IMMP2L: variants seen among roughly 807,000 people sequenced by gnomAD.
IMMP2L encodes inner mitochondrial membrane peptidase subunit 2, also known as mitochondrial inner membrane protease subunit 2.
IMMP2L carries 18 observed loss-of-function variants against 19.3 expected under a neutral mutation model. The observed-to-expected ratio is 0.93, with a 90% CI of 0.64 to 1.38. IMMP2L has a LOEUF of 1.38. IMMP2L is among the 40% of genes most tolerant of loss of function. The probability of loss-of-function intolerance (pLI) is 0.00; values close to 1 mark genes in which losing one functional copy is unlikely to be tolerated. For missense variants in IMMP2L, 233 were observed against 218.2 expected (o/e 1.07, Z -0.43); for synonymous variants, 76 against 73.0 (o/e 1.04, Z -0.21).
intron 3 of IMMP2L, among the ~76,000 whole-genome samples, chr7:111,172,990 G>A (rs1316239536): frequency 6.6e-6 from 1 of 151,552 alleles, no homozygotes; most frequent in Non-Finnish European, 1.5e-5. Flanking sequence ...GTAACCTGCT[G>A]AGGGACTGCT....
intron 3 of IMMP2L, among the ~76,000 whole-genome samples, chr7:111,250,677 G>T (rs1816001213): frequency 6.6e-6 from 1 of 152,114 alleles, no homozygotes; most frequent in South Asian, 2.1e-4. Flanking sequence ...TTAATAAATG[G>T]TGCTGGGAAA....
At chr7:111,322,378 C>T (rs1367400450) in intron 3 of IMMP2L, among the ~76,000 whole-genome samples, 2 of 151,722 alleles carry the variant, frequency 1.3e-5, no homozygotes, top group African/African-American at 4.8e-5. Flanking sequence ...CATTCTGAAA[C>T]TGAATTTAAC....
chr7:111,375,187 C>T (rs902932445), intron 3 of IMMP2L, among the ~76,000 whole-genome samples: 11 of 152,094 alleles, frequency 7.2e-5, no homozygotes, highest in Admixed American at 2.0e-4. Context: ...TTAAAAGGAA[C>T]AGGCTTGTTG....
At chr7:111,529,580 A>G (rs184932310) in intron 1 of IMMP2L, among the ~76,000 whole-genome samples, 3 of 152,314 alleles carry the variant, frequency 2.0e-5, no homozygotes, top group Admixed American at 6.5e-5. Flanking sequence ...ACACAAAAAA[A>G]GAAATAAGAA....
intron 3 of IMMP2L, among the ~76,000 whole-genome samples, chr7:111,052,157 C>G (rs1407456509): frequency 6.6e-6 from 1 of 152,202 alleles, no homozygotes; most frequent in Non-Finnish European, 1.5e-5. Flanking sequence ...AAATATATTT[C>G]TTTGACGTAT....
chr7:111,201,334 G>C (rs866641579), intron 3 of IMMP2L, among the ~76,000 whole-genome samples: 6 of 150,448 alleles, frequency 4.0e-5, no homozygotes, highest in African/African-American at 1.5e-4. Context: ...ACAGTTTTTT[G>C]AGAATTATAA....
chr7:111,370,869 C>T (rs890757271), intron 3 of IMMP2L, among the ~76,000 whole-genome samples: 2 of 151,848 alleles, frequency 1.3e-5, no homozygotes, highest in African/African-American at 4.8e-5. Context: ...AAAATATTAA[C>T]ACAAAAACCT....
Position 111,213,901 on chromosome 7 carries a change from C to A in IMMP2L, c.240-250336G>T, listed in dbSNP as rs1438774730. Among the ~76,000 whole-genome samples the A allele has an allele frequency of 6.6e-6, 1 of 152,032 alleles. No individual in the cohort carries two copies. Among genetic ancestry groups the A allele is most frequent in the Non-Finnish European group, 1.5e-5 (1 of 68,004 alleles). ...TTCATGTGACAGTCCTACAAATGTA[C>A]CCCCTGTATCTAAGATAAAAGGTGA... On this transcript the variant is annotated intron_variant, in intron 3 of 5. Coordinates refer to ENST00000405709, the MANE Select transcript of IMMP2L (RefSeq NM_032549.4). This position sits in a 1 kb window ranked among gnomAD's most constrained non-coding sequence, Gnocchi z 4.8.
At chr7:111,442,575 A>T (rs1837852869) in intron 3 of IMMP2L, among the ~76,000 whole-genome samples, 1 of 151,666 alleles carries the variant, frequency 6.6e-6, no homozygotes, top group Non-Finnish European at 1.5e-5. Context: ...TACATCTCAA[A>T]CCTTCAGAAA....
chr7:111,299,751 T>G (rs1322856355), intron 3 of IMMP2L, among the ~76,000 whole-genome samples: 2 of 152,028 alleles, frequency 1.3e-5, no homozygotes, highest in Non-Finnish European at 2.9e-5. Flanking sequence ...TTTTTTTTAA[T>G]AGGAAGGATT....
chr7:110,903,170 G>C (rs1448434655), intron 4 of IMMP2L, among the ~76,000 whole-genome samples: 1 of 152,072 alleles, frequency 6.6e-6, no homozygotes, highest in African/African-American at 2.4e-5. Flanking sequence ...ACACACACCA[G>C]GCTAACACTG....
rs111255509 is a variant in IMMP2L at position 110,758,119 on chromosome 7, T to C, written c.409-94398A>G. On this transcript the variant is annotated intron_variant, in intron 5 of 5. Coordinates refer to ENST00000405709, the MANE Select transcript of IMMP2L (RefSeq NM_032549.4). The surrounding 1 kb of genome is among the most constrained non-coding windows in gnomAD (Gnocchi z 4.6). The stretch of plus-strand genomic sequence containing the variant: ...AAGGAGGAAGGAAGGATGGAGCTAG[T>C]ATGTTAATGTAGCTGAAGGTCAAAT... Among the ~76,000 whole-genome samples the C allele has an allele frequency of 0.022, 3,392 of 152,148 alleles. 60 individuals carry two copies. Among genetic ancestry groups the C allele is most frequent in the Middle Eastern group, 0.044 (13 of 294 alleles).
At position 111,544,358 on chromosome 7, in the gene IMMP2L, C is replaced by T. The variant is rs758366979; in HGVS notation, c.-3+17493G>A. Among the ~76,000 whole-genome samples, 118 of 152,088 alleles carry T rather than the reference C, an allele frequency of 7.8e-4. 2 individuals are homozygous for T. Among genetic ancestry groups the T allele is most frequent in the Middle Eastern group, 6.8e-3 (2 of 294 alleles). On this transcript the variant is annotated intron_variant, in intron 1 of 5. Coordinates refer to ENST00000405709, the MANE Select transcript of IMMP2L (RefSeq NM_032549.4). ...CATGTATACACATGTAACAAACCTG[C>T]ACATTGTGTACATGTACCCTAGAAC... is the stretch of plus-strand genomic sequence containing the variant.
chr7:111,385,635 T>C (rs952273199), intron 3 of IMMP2L, among the ~76,000 whole-genome samples: 2 of 152,136 alleles, frequency 1.3e-5, no homozygotes, highest in East Asian at 1.9e-4. Flanking sequence ...GAGTGGTTCA[T>C]TGTGGTTTCT....
chr7:111,356,109 T>C (rs889339238), intron 3 of IMMP2L, among the ~76,000 whole-genome samples: 1 of 151,968 alleles, frequency 6.6e-6, no homozygotes, highest in African/African-American at 2.4e-5. Context: ...CATATATATA[T>C]ACACAGAAAA....
rs1473388354 is a variant in IMMP2L at position 111,213,682 on chromosome 7, C to T, written c.240-250117G>A. Among the ~76,000 whole-genome samples, 1 of 152,166 alleles carries T rather than the reference C, an allele frequency of 6.6e-6. No individual in the cohort carries two copies. Among genetic ancestry groups the T allele is most frequent in the African/African-American group, 2.4e-5 (1 of 41,434 alleles). On this transcript the variant is annotated intron_variant, in intron 3 of 5. Coordinates refer to ENST00000405709, the MANE Select transcript of IMMP2L (RefSeq NM_032549.4). This position sits in a 1 kb window ranked among gnomAD's most constrained non-coding sequence, Gnocchi z 4.8. Reference sequence around the variant, plus strand: ...CCACTAGCTGTAGGGAGGAGTTACCCATTCCAGGCTCTCCTCTCTGCTGAG... The same window carrying T: ...CCACTAGCTGTAGGGAGGAGTTACCTATTCCAGGCTCTCCTCTCTGCTGAG...
intron 3 of IMMP2L, among the ~76,000 whole-genome samples, chr7:111,477,920 T>C (rs764513106): frequency 3.3e-5 from 5 of 152,032 alleles, no homozygotes; most frequent in Admixed American, 1.3e-4. Flanking sequence ...TAGACTTTTA[T>C]CTTCTTTGGT....
intron 5 of IMMP2L, among the ~76,000 whole-genome samples, chr7:110,726,650 C>T (rs1486456859): frequency 6.6e-6 from 1 of 152,212 alleles, no homozygotes; most frequent in Non-Finnish European, 1.5e-5. Flanking sequence ...TCTCTTTCCT[C>T]ACCTCAGCGT....
At chr7:110,969,806 T>C (rs1213776508) in intron 3 of IMMP2L, among the ~76,000 whole-genome samples, 1 of 152,132 alleles carries the variant, frequency 6.6e-6, no homozygotes, top group Non-Finnish European at 1.5e-5. Context: ...ATCAGGCTAC[T>C]AAGCAGAAAT....
Sources: allele counts gnomAD v4.1 joint callset (sites outside exome capture counted in the v4.1 genomes callset), GRCh38; gene constraint gnomAD v4.1.1; non-coding constraint Gnocchi (gnomAD v3.1); transcripts MANE v1.5; gene names NCBI Gene and HGNC (gene_info 2026-07-23, HGNC 2026-07-21).